RBL2: variants seen among roughly 807,000 people sequenced by gnomAD.
The protein encoded by RBL2 is retinoblastoma-like protein 2.
Under a neutral mutation model 126.0 loss-of-function variants are expected in RBL2, and 56 were observed. That is an observed-to-expected ratio of 0.44 (90% CI 0.36 to 0.56). The LOEUF (loss-of-function observed/expected upper bound fraction) is 0.56, where lower values mean the gene tolerates loss of function less well. Among genes scored for constraint, RBL2 ranks in the 20% least tolerant of loss-of-function variants. The pLI is 0.00. For synonymous variants in RBL2, 454 were observed against 478.5 expected, an observed-to-expected ratio of 0.95 and a Z score of 0.67; for missense variants, 1,229 against 1,398.2, an observed-to-expected ratio of 0.88 and a Z score of 1.93.
intron 7 of RBL2, 103 bp downstream of exon 7, chr16:53,453,872 G>A: frequency 9.3e-7 from 1 of 1,075,546 alleles, no homozygotes; most frequent in Non-Finnish European, 1.3e-6. Flanking sequence ...CTGAGAATAT[G>A]TTTTGTGAGA....
At chr16:53,475,246 C>CA (rs1284159248) in intron 17 of RBL2, among the ~76,000 whole-genome samples, 1 of 152,150 alleles carries the variant, frequency 6.6e-6, no homozygotes, top group African/African-American at 2.4e-5. Flanking sequence ...GAGACAGTCT[C>CA]ACTCTGTTGT....
chr16:53,449,797 T>C (rs2058097092), intron 4 of RBL2, among the ~76,000 whole-genome samples: 1 of 152,132 alleles, frequency 6.6e-6, no homozygotes, highest in Non-Finnish European at 1.5e-5. Context: ...TTGTTATCTT[T>C]GTTGATTAAA....
intron 12 of RBL2, 36 bp downstream of exon 12, chr16:53,464,399 T>C: frequency 6.7e-7 from 1 of 1,493,022 alleles, no homozygotes; most frequent in East Asian, 2.3e-5. Context: ...GGGGATATTG[T>C]AGATGAGACC....
Position 53,490,547 on chromosome 16 carries a change from T to C in RBL2, c.*247T>C, listed in dbSNP as rs1277036840. 1 of 350,382 alleles carries C rather than the reference T, an allele frequency of 2.9e-6. No homozygotes were observed. Among genetic ancestry groups the C allele is most frequent in the Non-Finnish European group, 5.1e-6 (1 of 196,228 alleles). The allele number at this position is 350,382 out of a possible 1,614,324, so 21.7% of individuals were successfully genotyped here. A position where few individuals can be genotyped will look rare whatever the true frequency, so the allele number is the denominator to read the frequency against. On this transcript the variant is annotated 3_prime_UTR_variant, in exon 22 of 22. Coordinates refer to ENST00000262133, the MANE Select transcript of RBL2 (RefSeq NM_005611.4). ...TGTCAAGGCTGCTTAGAATCCAAACTTGGATTTTTGACTCTGGCAAAGCTT... is the reference window on the plus strand; with the variant it reads ...TGTCAAGGCTGCTTAGAATCCAAACCTGGATTTTTGACTCTGGCAAAGCTT...
chr16:53,453,843 ATTG>A, intron 7 of RBL2, 74 bp downstream of exon 7: 2 of 1,310,630 alleles, frequency 1.5e-6, no homozygotes, highest in Non-Finnish European at 2.1e-6. Flanking sequence ...TAGTGTTTTT[ATTG>A]TTTGTACTCT....
At chr16:53,465,859 TG>T (rs1339049043) in intron 13 of RBL2, 2 of 277,344 alleles carry the variant, frequency 7.2e-6, no homozygotes, top group Non-Finnish European at 1.3e-5. Context: ...GAGGCAGAGG[TG>T]GTGGGGAAAA....
intron 21 of RBL2, among the ~76,000 whole-genome samples, chr16:53,483,071 A>G (rs1961019318): frequency 6.6e-6 from 1 of 151,996 alleles, no homozygotes; most frequent in Admixed American, 6.6e-5. Context: ...TGCCTAGCAG[A>G]TTATGTAGGA....
chr16:53,453,874 T>G, intron 7 of RBL2, 105 bp downstream of exon 7: 1 of 1,059,464 alleles, frequency 9.4e-7, no homozygotes, highest in Non-Finnish European at 1.3e-6. Flanking sequence ...GAGAATATGT[T>G]TTGTGAGAGA....
intron 2 of RBL2, among the ~76,000 whole-genome samples, chr16:53,440,275 G>A (rs929551005): frequency 2.0e-5 from 3 of 152,160 alleles, no homozygotes; most frequent in Non-Finnish European, 2.9e-5. Flanking sequence ...TGACAAGAGC[G>A]AGACTCCATC....
intron 13 of RBL2, 131 bp from the exon 14 acceptor site, chr16:53,466,927 A>G: frequency 1.4e-6 from 1 of 711,602 alleles, no homozygotes. Context: ...TATTATTAAA[A>G]TGGGAAAGAC....
At chr16:53,465,640 T>C in intron 13 of RBL2, 38 bp downstream of exon 13, 1 of 1,442,872 alleles carries the variant, frequency 6.9e-7, no homozygotes, top group Non-Finnish European at 9.3e-7. Flanking sequence ...GAAAAATACA[T>C]CAATATCTAA....
intron 4 of RBL2, among the ~76,000 whole-genome samples, chr16:53,450,940 C>CA (rs762343093): frequency 0.017 from 2,403 of 139,040 alleles, 26 homozygotes; most frequent in Middle Eastern, 0.025. Context: ...GACTCCATCT[C>CA]AAAAAAAAAA....
chr16:53,453,153 T>C (rs2058131559), intron 5 of RBL2, among the ~76,000 whole-genome samples: 1 of 152,226 alleles, frequency 6.6e-6, no homozygotes, highest in South Asian at 2.1e-4. Context: ...TTGTATTTTG[T>C]GGTTTTTAGA....
At chr16:53,445,073 C>T (rs1471294341) in intron 3 of RBL2, among the ~76,000 whole-genome samples, 1 of 151,526 alleles carries the variant, frequency 6.6e-6, no homozygotes, top group Non-Finnish European at 1.5e-5. Flanking sequence ...CACACCTGAT[C>T]CCCAGCACTT....
chr16:53,459,595 G>C lies in RBL2; in HGVS notation c.1324G>C (p.Glu442Gln). The C allele has an allele frequency of 6.4e-7, 1 of 1,562,292 alleles. No individual in the cohort carries two copies. Among genetic ancestry groups the C allele is most frequent in the Non-Finnish European group, 8.6e-7 (1 of 1,158,502 alleles). ...MLTGLRNAPS[E>Q]KLEQILRTCS... ...GACAGGCCTCAGGAATGCACCAAGT[G>C]AGAAACTGGAACAGATTCTCAGGTT... Residue 442 changes from glutamate to glutamine, a missense_variant, in exon 9 of 22, where the codon GAG (glutamate) becomes CAG (glutamine). Glu to Gln is a conservative substitution (Grantham distance 29, BLOSUM62 2). Coordinates refer to ENST00000262133, the MANE Select transcript of RBL2 (RefSeq NM_005611.4).
In RBL2 at chr16:53,453,505, T is replaced by C. The variant is rs750571793; in HGVS notation, c.820T>C (p.Cys274Arg). 1 of 1,613,304 alleles carries C rather than the reference T, an allele frequency of 6.2e-7. No individual in the cohort carries two copies. ...TTCTAAACCTTCCTCTGACCCCCCT[T>C]GTATCATTGAGAAACTGTGTTCCTT... ...KDSKPSSDPPCIIEKLCSLHD... is the reference protein window; with the variant it reads ...KDSKPSSDPPRIIEKLCSLHD... Residue 274 changes from cysteine to arginine, a missense_variant, in exon 6 of 22, where the codon TGT becomes CGT. Coordinates refer to ENST00000262133, the MANE Select transcript of RBL2 (RefSeq NM_005611.4).
intron 5 of RBL2, among the ~76,000 whole-genome samples, chr16:53,452,153 G>T (rs1207190790): frequency 6.6e-6 from 1 of 152,188 alleles, no homozygotes; most frequent in Non-Finnish European, 1.5e-5. Context: ...CAAACTTTGT[G>T]CCTGACACAT....
intron 8 of RBL2, among the ~76,000 whole-genome samples, chr16:53,458,146 A>G (rs1443279423): frequency 6.6e-6 from 1 of 152,228 alleles, no homozygotes; most frequent in Non-Finnish European, 1.5e-5. Context: ...GAAAACATGT[A>G]GGTTTGTTTC....
intron 4 of RBL2, among the ~76,000 whole-genome samples, chr16:53,450,177 C>T (rs937556012): frequency 7.2e-5 from 11 of 152,176 alleles, no homozygotes; most frequent in South Asian, 2.1e-4. Context: ...TGTTGATTAT[C>T]GTTTGCCTCT....
Sources: gnomAD v4.1 joint callset for allele counts (sites outside exome capture counted in the v4.1 genomes callset) on GRCh38, gnomAD v4.1.1 for gene constraint, MANE v1.5 for transcripts, NCBI Gene and HGNC (gene_info 2026-07-23, HGNC 2026-07-21) for gene names.